The following VPS53 variants were observed in gnomAD, a reference collection of about 807,000 sequenced individuals.
The protein encoded by VPS53 is VPS53 subunit of GARP complex.
Under a neutral mutation model 107.0 loss-of-function variants are expected in VPS53, and 70 were observed. The observed-to-expected ratio is 0.65, with a 90% CI of 0.54 to 0.80. The LOEUF (loss-of-function observed/expected upper bound fraction) is 0.80, where lower values mean the gene tolerates loss of function less well. Ranked by LOEUF, VPS53 falls within the 30% of genes least tolerant of loss-of-function variation. The pLI, the probability that VPS53 is intolerant of heterozygous loss-of-function variation, is 0.00. For missense variants in VPS53, 917 were observed against 1,049.4 expected, an observed-to-expected ratio of 0.87 and a Z score of 1.74; for synonymous variants, 409 against 393.3, an observed-to-expected ratio of 1.04 and a Z score of -0.47.
At chr17:543,891 G>A (rs1597272424) in intron 17 of VPS53, among the ~76,000 whole-genome samples, 1 of 82,472 alleles carries the variant, frequency 1.2e-5, no homozygotes, top group Non-Finnish European at 2.5e-5. Context: ...TTTGGAGGGA[G>A]GGAAGGGAGT....
intron 10 of VPS53, among the ~76,000 whole-genome samples, chr17:624,081 C>T: frequency 6.6e-6 from 1 of 151,450 alleles, no homozygotes; most frequent in Non-Finnish European, 1.5e-5. Flanking sequence ...TGGTCTCAAA[C>T]TCCTGACCTC....
chr17:652,960 C>A (rs1366351206), intron 7 of VPS53, among the ~76,000 whole-genome samples: 1 of 152,242 alleles, frequency 6.6e-6, no homozygotes, highest in Non-Finnish European at 1.5e-5. Context: ...CTGCAGTGAA[C>A]ACGCTGAGCT....
rs1908033098 is a variant in VPS53, at chr17:512,805, G to C, written c.*6323C>G. On this transcript the variant is annotated 3_prime_UTR_variant, in exon 22 of 22. Transcript: ENST00000437048. ...TGCGTGCAGGAGAGAAATCACTAAA[G>C]GACACAAGACTTCCCAAAGAGTTTT... The C allele has an allele frequency of 6.6e-6, 1 of 151,792 alleles. No individual in the cohort carries two copies. Among genetic ancestry groups the C allele is most frequent in the African/African-American group, 2.4e-5 (1 of 41,272 alleles). 9.4% of individuals were successfully genotyped at this position (151,792 alleles called of 1,614,324 possible). A position where few individuals can be genotyped will look rare whatever the true frequency, so the allele number is the denominator to read the frequency against.
At chr17:530,794 G>T (rs895459880) in intron 19 of VPS53, among the ~76,000 whole-genome samples, 4 of 152,184 alleles carry the variant, frequency 2.6e-5, no homozygotes, top group African/African-American at 9.7e-5. Flanking sequence ...ATATTGGTGT[G>T]GGTCAGTTCC....
At position 515,789 on chromosome 17, in the gene VPS53, A is replaced by ACCACCACC; in HGVS notation, c.*3331_*3338dup. The ACCACCACC allele has an allele frequency of 2.0e-5, 3 of 150,494 alleles. No individual in the cohort carries two copies. In the East Asian group the frequency reaches 5.9e-4, roughly 30 times the overall value. The allele number at this position is 150,494 out of a possible 1,614,324, so 9.3% of individuals were successfully genotyped here. A position where few individuals can be genotyped will look rare whatever the true frequency, so the allele number is the denominator to read the frequency against. On this transcript the variant is annotated 3_prime_UTR_variant, in exon 22 of 22. Transcript: ENST00000437048. ...GAGCCCAATCCTGGGCATGGTCCCC[A>ACCACCACC]CCACCACCAAAAGTCTTTTTTTTTT...
Position 551,955 on chromosome 17 carries a change from A to G in VPS53, c.1788-5T>C. On this transcript the variant is annotated splice_region_variant and splice_polypyrimidine_tract_variant and intron_variant, in intron 16 of 21. Transcript: ENST00000437048. ...TGAATACTGCTGGAGATGACGCTGC[A>G]AATCAAACAAATCACTGTGGTCACC... The G allele has an allele frequency of 6.3e-7, 1 of 1,583,842 alleles. No individual in the cohort carries two copies. Among genetic ancestry groups the G allele is most frequent in the South Asian group, 1.2e-5 (1 of 86,726 alleles).
intron 4 of VPS53, among the ~76,000 whole-genome samples, chr17:664,885 G>C (rs1435142396): frequency 6.6e-6 from 1 of 152,144 alleles, no homozygotes; most frequent in African/African-American, 2.4e-5. Context: ...CCGGGTTTTG[G>C]TTGAAAAGCC....
intron 12 of VPS53, among the ~76,000 whole-genome samples, chr17:596,068 C>A (rs1172849708): frequency 6.6e-6 from 1 of 152,230 alleles, no homozygotes; most frequent in African/African-American, 2.4e-5. Context: ...GCTGGGAGAT[C>A]AGTACACTGT....
intron 4 of VPS53, among the ~76,000 whole-genome samples, chr17:664,640 A>C (rs887257045): frequency 6.6e-6 from 1 of 152,130 alleles, no homozygotes; most frequent in African/African-American, 2.4e-5. Flanking sequence ...CTTGTATAAG[A>C]CTGTCCTGGC....
At chr17:559,337 G>A (rs953387833) in intron 15 of VPS53, among the ~76,000 whole-genome samples, 3 of 151,956 alleles carry the variant, frequency 2.0e-5, no homozygotes, top group African/African-American at 7.3e-5. Flanking sequence ...TACATGTATC[G>A]TATTTCTTTC....
In VPS53 at chr17:657,188, T is replaced by C. The variant is rs1283768127; in HGVS notation, c.373-1235A>G. 4 of 1,528,482 alleles carry C rather than the reference T, an allele frequency of 2.6e-6. No homozygotes were observed. The South Asian group carries it at 4.5e-5, about 17-fold the overall frequency. 94.7% of individuals were successfully genotyped at this position (1,528,482 alleles called of 1,614,324 possible). On this transcript the variant is annotated intron_variant, in intron 5 of 21. Transcript: ENST00000437048. ...GTCACCAGATGAGGGATTCCTTTTG[T>C]GCCCACAAAGATTTTTCTCACTTTG... is the stretch of plus-strand genomic sequence containing the variant.
rs540874000 is a variant in VPS53 at position 684,646 on chromosome 17, C to T, written c.285+12772G>A. ...TCCTTCAATTGATCTATAGACTCAA[C>T]GCAATCCCAATCAAAGTCCCAGAGA... is the stretch of plus-strand genomic sequence containing the variant. On this transcript the variant is annotated intron_variant, in intron 4 of 21. Transcript: ENST00000437048. Among the ~76,000 whole-genome samples, 79 of 152,256 alleles carry T rather than the reference C, an allele frequency of 5.2e-4. 3 individuals carry two copies. The South Asian group carries it at 0.014, about 28-fold the overall frequency.
intron 17 of VPS53, 147 bp downstream of exon 17, chr17:551,725 T>C (rs1787871255): frequency 3.6e-6 from 2 of 557,688 alleles, no homozygotes; most frequent in Non-Finnish European, 5.9e-6. Context: ...ACTAACTGAG[T>C]GCTTTCAGGA....
intron 7 of VPS53, among the ~76,000 whole-genome samples, chr17:651,359 G>A (rs896354659): frequency 2.0e-5 from 3 of 152,184 alleles, no homozygotes; most frequent in South Asian, 2.1e-4. Context: ...AGTGGCTCAC[G>A]CCTGTAACCC....
Position 653,563 on chromosome 17 carries a change from G to A in VPS53, c.489-153C>T, listed in dbSNP as rs571662800. 6.6e-5 allele frequency among the ~76,000 whole-genome samples: 10 copies of A among 152,324 alleles called. No individual in the cohort carries two copies. In the East Asian group the frequency reaches 1.9e-3, roughly 29 times the overall value. On this transcript the variant is annotated intron_variant, in intron 6 of 21. Coordinates refer to ENST00000437048, the MANE Select transcript of VPS53 (RefSeq NM_001128159.3). Reference sequence around the variant, plus strand: ...GTATATAAGCTGCTGTGCGTTGTGGGAGGAAAAAACAGGATCTGGTCCAAA... The same window carrying A: ...GTATATAAGCTGCTGTGCGTTGTGGAAGGAAAAAACAGGATCTGGTCCAAA...
intron 7 of VPS53, among the ~76,000 whole-genome samples, chr17:634,444 G>A (rs1384452821): frequency 6.6e-6 from 1 of 151,620 alleles, no homozygotes; most frequent in African/African-American, 2.4e-5. Context: ...TGTGCACAAT[G>A]TGCAGGTTCG....
intron 18 of VPS53, among the ~76,000 whole-genome samples, chr17:534,682 C>A (rs565477247): frequency 1.6e-4 from 24 of 152,300 alleles, no homozygotes; most frequent in Middle Eastern, 3.4e-3. Context: ...CTCTGAGAGG[C>A]CCAGGCAGGT....
intron 2 of VPS53, 124 bp from the exon 3 acceptor site, chr17:699,504 G>C: frequency 3.0e-6 from 2 of 669,386 alleles, no homozygotes; most frequent in East Asian, 3.4e-5. Flanking sequence ...CATGATATGA[G>C]TTTTGCTTTA....
At position 511,845 on chromosome 17, in the gene VPS53, G is replaced by C. The variant is rs958993797; in HGVS notation, c.*7283C>G. ...TTGTCCCTGTCGGGAGAAGAGTCTG[G>C]TCTGTGGACACCAGACACCTAAGCA... On this transcript the variant is annotated 3_prime_UTR_variant, in exon 22 of 22. Coordinates refer to ENST00000437048, the MANE Select transcript of VPS53 (RefSeq NM_001128159.3). The C allele has an allele frequency of 3.3e-5, 5 of 152,354 alleles. No individual in the cohort carries two copies. The highest frequency in any genetic ancestry group is 5.9e-5 in the Non-Finnish European group (4 of 68,036). The allele number at this position is 152,354 out of a possible 1,614,324, so 9.4% of individuals were successfully genotyped here. A position where few individuals can be genotyped will look rare whatever the true frequency, so the allele number is the denominator to read the frequency against.
Sources: allele counts gnomAD v4.1 joint callset (sites outside exome capture counted in the v4.1 genomes callset), GRCh38; gene constraint gnomAD v4.1.1; transcripts MANE v1.5; gene names NCBI Gene and HGNC (gene_info 2026-07-23, HGNC 2026-07-21).